The following BCKDHB variants were observed in gnomAD, a reference collection of about 807,000 sequenced individuals.
The protein encoded by BCKDHB is 2-oxoisovalerate dehydrogenase subunit beta, mitochondrial.
Under a neutral mutation model 48.5 loss-of-function variants are expected in BCKDHB, and 41 were observed. That is an observed-to-expected ratio of 0.85 (90% confidence interval 0.66 to 1.10). The LOEUF is 1.10. Ranked by LOEUF, BCKDHB falls within the 50% of genes least tolerant of loss-of-function variation. The pLI, the probability that BCKDHB is intolerant of heterozygous loss-of-function variation, is 0.00. For missense variants in BCKDHB, 496 were observed against 494.2 expected, an observed-to-expected ratio of 1.00 and a Z score of -0.03; for synonymous variants, 201 against 174.8, an observed-to-expected ratio of 1.15 and a Z score of -1.18.
chr6:80,334,381 C>G (rs557673793), intron 9 of BCKDHB, among the ~76,000 whole-genome samples: 6 of 152,084 alleles, frequency 3.9e-5, no homozygotes, highest in African/African-American at 1.4e-4. Context: ...AACTTGTTTG[C>G]TTTGTTAATT....
At chr6:80,210,228 A>G (rs1774859172) in intron 8 of BCKDHB, among the ~76,000 whole-genome samples, 1 of 144,488 alleles carries the variant, frequency 6.9e-6, no homozygotes, top group Admixed American at 6.7e-5. Context: ...TCAACTAGAG[A>G]ATGGATCAAT....
chr6:80,225,790 G>T lies in BCKDHB; in HGVS notation c.951+22578G>T, dbSNP rs1582394977. ...TCTTCATTCTGCTCCTTCCTTTGAGGCAGTGTTTACTTGTTCTTTATAGAG... is the reference window on the plus strand; with the variant it reads ...TCTTCATTCTGCTCCTTCCTTTGAGTCAGTGTTTACTTGTTCTTTATAGAG... On this transcript the variant is annotated intron_variant, in intron 8 of 9. Coordinates refer to ENST00000320393, the MANE Select transcript of BCKDHB (RefSeq NM_183050.4). 2.0e-5 allele frequency among the ~76,000 whole-genome samples: 3 copies of T among 151,962 alleles called. No homozygotes were observed. The South Asian group carries it at 6.2e-4, about 32-fold the overall frequency.
chr6:80,389,867 A>G, the BCKDHB span, among the ~76,000 whole-genome samples: 1 of 152,246 alleles, frequency 6.6e-6, no homozygotes, highest in East Asian at 1.9e-4. Context: ...GGGTCCAGGA[A>G]TCAAGAGGTG....
At chr6:80,317,085 G>C (rs1768485043) in intron 9 of BCKDHB, among the ~76,000 whole-genome samples, 2 of 152,174 alleles carry the variant, frequency 1.3e-5, no homozygotes, top group Non-Finnish European at 2.9e-5. Flanking sequence ...GTCTGGATCA[G>C]ATGTGGCCGT....
chr6:80,443,284 A>T, the BCKDHB span: 1 of 152,120 alleles, frequency 6.6e-6, no homozygotes, highest in Non-Finnish European at 1.5e-5. Context: ...TATTTGGCTA[A>T]GTATTGATCA....
the BCKDHB span, among the ~76,000 whole-genome samples, chr6:80,458,905 C>T: frequency 1.3e-5 from 2 of 151,904 alleles, no homozygotes; most frequent in South Asian, 2.1e-4. Flanking sequence ...CAGGAAAATG[C>T]AAATTATAAT....
intron 9 of BCKDHB, among the ~76,000 whole-genome samples, chr6:80,283,088 G>T (rs1766435182): frequency 6.6e-6 from 1 of 152,032 alleles, no homozygotes; most frequent in Non-Finnish European, 1.5e-5. Flanking sequence ...TGGTTTTTCT[G>T]CAGGTTAGTG....
the BCKDHB span, among the ~76,000 whole-genome samples, chr6:80,417,133 G>A: frequency 6.6e-6 from 1 of 151,902 alleles, no homozygotes; most frequent in Admixed American, 6.6e-5. Context: ...GATTGTTGTT[G>A]GTGTAAAGAC....
the BCKDHB span, among the ~76,000 whole-genome samples, chr6:80,435,861 G>A: frequency 0.017 from 2,622 of 152,094 alleles, 30 homozygotes; most frequent in Non-Finnish European, 0.026. Flanking sequence ...GTAAAAACCC[G>A]TCTCTACTAA....
chr6:80,169,784 T>TC, intron 5 of BCKDHB: 1 of 1,592,782 alleles, frequency 6.3e-7, no homozygotes, highest in Non-Finnish European at 8.6e-7. Flanking sequence ...GTTTTATTCT[T>TC]TTTTTCTTAT....
chr6:80,262,760 G>T (rs1315517131), intron 8 of BCKDHB, among the ~76,000 whole-genome samples: 1 of 152,018 alleles, frequency 6.6e-6, no homozygotes, highest in Non-Finnish European at 1.5e-5. Flanking sequence ...ATATAGCAAA[G>T]TGATCAACTT....
At chr6:80,238,130 C>T (rs1776221196) in intron 8 of BCKDHB, among the ~76,000 whole-genome samples, 1 of 152,120 alleles carries the variant, frequency 6.6e-6, no homozygotes. Context: ...GAGAGTCTCG[C>T]TCTGTCACCC....
intron 3 of BCKDHB, among the ~76,000 whole-genome samples, chr6:80,140,496 G>T (rs539898440): frequency 2.6e-5 from 4 of 152,140 alleles, no homozygotes; most frequent in African/African-American, 9.7e-5. Context: ...CGAATTTATT[G>T]TGAGTTTTTA....
chr6:80,213,854 T>C (rs897048182), intron 8 of BCKDHB, among the ~76,000 whole-genome samples: 4 of 152,138 alleles, frequency 2.6e-5, no homozygotes, highest in Admixed American at 6.6e-5. Context: ...TGGGTACATA[T>C]TGGGCATCTC....
chr6:80,258,416 C>CA (rs1304327470), intron 8 of BCKDHB, among the ~76,000 whole-genome samples: 1 of 152,218 alleles, frequency 6.6e-6, no homozygotes, highest in African/African-American at 2.4e-5. Flanking sequence ...AAATATTCAA[C>CA]AAAATTTTGT....
the BCKDHB span, among the ~76,000 whole-genome samples, chr6:80,373,266 T>A: frequency 3.9e-5 from 6 of 152,198 alleles, no homozygotes; most frequent in Non-Finnish European, 8.8e-5. Flanking sequence ...TAATTATCTT[T>A]TGTACTTCTG....
downstream of BCKDHB, among the ~76,000 whole-genome samples, chr6:80,347,768 A>G (rs888304936): frequency 1.1e-4 from 17 of 152,202 alleles, no homozygotes; most frequent in African/African-American, 4.1e-4. Flanking sequence ...TTTTCTTCCA[A>G]TAAACCTTTA....
At chr6:80,183,862 T>G (rs1773523178) in intron 6 of BCKDHB, among the ~76,000 whole-genome samples, 1 of 152,176 alleles carries the variant, frequency 6.6e-6, no homozygotes, top group African/African-American at 2.4e-5. Context: ...TCAGATTGGC[T>G]TCCTTCACTT....
At chr6:80,259,238 C>T (rs886130160) in intron 8 of BCKDHB, among the ~76,000 whole-genome samples, 2 of 152,210 alleles carry the variant, frequency 1.3e-5, no homozygotes, top group African/African-American at 4.8e-5. Flanking sequence ...TCCCCACTGT[C>T]TTGCTCACTG....
Sources: gnomAD v4.1 joint callset for allele counts (sites outside exome capture counted in the v4.1 genomes callset) on GRCh38, gnomAD v4.1.1 for gene constraint, MANE v1.5 for transcripts, NCBI Gene and HGNC (gene_info 2026-07-23, HGNC 2026-07-21) for gene names.